ARL17B: variants seen among roughly 807,000 people sequenced by gnomAD.
ARL17B encodes the protein ADP-ribosylation factor-like protein 17.
intron 2 of ARL17B, among the ~76,000 whole-genome samples, chr17:46,357,191 A>G (rs1276622090): frequency 9.2e-6 from 1 of 108,214 alleles, no homozygotes; most frequent in African/African-American, 3.7e-5. Flanking sequence ...AAAAAAAAAG[A>G]AAGTTGATCA....
chr17:46,283,572 C>T (rs1310884092), intron 4 of ARL17B, among the ~76,000 whole-genome samples: 1 of 152,192 alleles, frequency 6.6e-6, no homozygotes, highest in Non-Finnish European at 1.5e-5. Flanking sequence ...GCTTCCTCTG[C>T]AATAATGGTA....
rs1187218049 is a variant in ARL17B at position 46,315,248 on chromosome 17, A to G, written c.260-15583T>C. Among the ~76,000 whole-genome samples the G allele has an allele frequency of 8.6e-5, 7 of 81,034 alleles. 3 individuals are homozygous for G. Among genetic ancestry groups the G allele is most frequent in the African/African-American group, 1.6e-4 (5 of 31,260 alleles). The allele number at this position is 81,034 out of a possible 152,430, so 53.2% of individuals were successfully genotyped here. A position where few individuals can be genotyped will look rare whatever the true frequency, so the allele number is the denominator to read the frequency against. ...ATAATTTGGTCTTCTGTATTTTTGC[A>G]GTGCAGTGGCTCATACCTGTCATCC... On this transcript the variant is annotated intron_variant, in intron 3 of 4. Coordinates refer to the ARL17B transcript ENST00000434041.
At chr17:46,281,223 G>A (rs1422214516) in intron 4 of ARL17B, among the ~76,000 whole-genome samples, 1 of 151,970 alleles carries the variant, frequency 6.6e-6, no homozygotes, top group Non-Finnish European at 1.5e-5. Context: ...CTGACCCCTT[G>A]CTCCCCCCAC....
At chr17:46,274,205 A>G (rs1295992435), downstream of ARL17B, among the ~76,000 whole-genome samples, 19 of 152,236 alleles carry the variant, frequency 1.2e-4, no homozygotes, top group African/African-American at 1.9e-4. Context: ...GAGAAAAACT[A>G]TCTCCATTTA....
intron 4 of ARL17B, among the ~76,000 whole-genome samples, chr17:46,279,631 G>A (rs374227336): frequency 2.4e-4 from 36 of 151,022 alleles, no homozygotes; most frequent in East Asian, 1.4e-3. Context: ...TGGAGTAGCT[G>A]GGATCATGGG....
At chr17:46,288,921 C>T (rs1256259370) in intron 4 of ARL17B, among the ~76,000 whole-genome samples, 1 of 152,030 alleles carries the variant, frequency 6.6e-6, no homozygotes, top group Admixed American at 6.6e-5. Flanking sequence ...GCCAGGCTAG[C>T]CTTGAACTCC....
chr17:46,311,568 A>C (rs2050799788), intron 3 of ARL17B, among the ~76,000 whole-genome samples: 1 of 85,788 alleles, frequency 1.2e-5, no homozygotes, highest in African/African-American at 3.4e-5. Flanking sequence ...AATAGAAAGG[A>C]AACATAGCTC....
chr17:46,359,011 A>AT (rs1199099761), intron 1 of ARL17B, among the ~76,000 whole-genome samples: 1 of 150,538 alleles, frequency 6.6e-6, no homozygotes, highest in Admixed American at 6.6e-5. Context: ...TAATTAATTA[A>AT]TTTTTTTTAA....
At chr17:46,340,718 T>C (rs2144204896) in intron 3 of ARL17B, among the ~76,000 whole-genome samples, 1 of 78,482 alleles carries the variant, frequency 1.3e-5, no homozygotes, top group East Asian at 2.4e-4. Flanking sequence ...AATTTTTTTT[T>C]TTTTTTCTAA....
chr17:46,290,869 G>A (rs2050048042), intron 4 of ARL17B, among the ~76,000 whole-genome samples: 1 of 152,242 alleles, frequency 6.6e-6, no homozygotes, highest in Non-Finnish European at 1.5e-5. Flanking sequence ...TCAAGGATTT[G>A]CCTAAAGGTA....
At position 46,323,283 on chromosome 17, in the gene ARL17B, CCT is replaced by C. The variant is rs1293830743; in HGVS notation, c.260-23620_260-23619del. On this transcript the variant is annotated intron_variant, in intron 3 of 4. Transcript: ENST00000434041. Reference sequence around the variant, plus strand: ...CAATCCCATCCTCCCACCATCAGCCCCTGTTAGCTACTAATCTGATTTCTGTT... The same window carrying C: ...CAATCCCATCCTCCCACCATCAGCCCGTTAGCTACTAATCTGATTTCTGTT... 6.2e-5 allele frequency among the ~76,000 whole-genome samples: 3 copies of C among 48,502 alleles called. 1 individual carries two copies. Among genetic ancestry groups the C allele is most frequent in the Non-Finnish European group, 1.5e-4 (3 of 20,262 alleles). The allele number at this position is 48,502 out of a possible 152,430, so 31.8% of individuals were successfully genotyped here.
At chr17:46,290,913 C>T (rs1166700734) in intron 4 of ARL17B, among the ~76,000 whole-genome samples, 1 of 152,228 alleles carries the variant, frequency 6.6e-6, no homozygotes, top group Non-Finnish European at 1.5e-5. Context: ...GTTTGCTGTG[C>T]CTCTTTTTCT....
At chr17:46,281,115 A>G (rs2049751520) in intron 4 of ARL17B, among the ~76,000 whole-genome samples, 1 of 151,816 alleles carries the variant, frequency 6.6e-6, no homozygotes, top group Non-Finnish European at 1.5e-5. Context: ...TGTTTTATCT[A>G]AAAGTTTCTT....
At chr17:46,279,184 C>CTTTTTTT (rs1189159774) in intron 4 of ARL17B, among the ~76,000 whole-genome samples, 1 of 136,994 alleles carries the variant, frequency 7.3e-6, no homozygotes. Context: ...TCTTTTTTTT[C>CTTTTTTT]TTTTTTTTTT....
chr17:46,321,357 GAAAAAAAAA>G (rs763727306), intron 3 of ARL17B, among the ~76,000 whole-genome samples: 3 of 31,354 alleles, frequency 9.6e-5, no homozygotes, highest in Non-Finnish European at 8.7e-5. Flanking sequence ...CTCCGTCTCA[GAAAAAAAAA>G]AAAAAAAAAA....
chr17:46,284,800 T>C (rs912872216), intron 4 of ARL17B, among the ~76,000 whole-genome samples: 2 of 152,266 alleles, frequency 1.3e-5, no homozygotes, highest in African/African-American at 4.8e-5. Flanking sequence ...ATTCCCTTTT[T>C]AGTTTCTTCA....
intron 2 of ARL17B, among the ~76,000 whole-genome samples, chr17:46,357,119 G>C (rs1896282589): frequency 1.2e-5 from 1 of 83,222 alleles, no homozygotes; most frequent in African/African-American, 5.2e-5. Flanking sequence ...GTTGTAGTGA[G>C]CCGAGATCGC....
intron 4 of ARL17B, among the ~76,000 whole-genome samples, chr17:46,288,593 C>A (rs2049981508): frequency 6.6e-6 from 1 of 150,954 alleles, no homozygotes. Context: ...CCACAGGGCC[C>A]AGCCTCTTTT....
rs199591277 is a variant in ARL17B at position 46,288,706 on chromosome 17, C to CT, written c.*21+10819dup. Among the ~76,000 whole-genome samples the CT allele has an allele frequency of 3.6e-3, 504 of 139,030 alleles. 3 individuals are homozygous for CT. Among genetic ancestry groups the CT allele is most frequent in the African/African-American group, 8.9e-3 (335 of 37,754 alleles). The allele number at this position is 139,030 out of a possible 152,430, so 91.2% of individuals were successfully genotyped here. A position where few individuals can be genotyped will look rare whatever the true frequency, so the allele number is the denominator to read the frequency against. On this transcript the variant is annotated intron_variant, in intron 4 of 4. Coordinates refer to the ARL17B transcript ENST00000570618. ...GCTTCTTTACTGCATCTTGTTTTTT[C>CT]TTTTTTTTTTTTTTTGAGACTGGGT...
Sources: gnomAD v4.1 joint callset for allele counts (sites outside exome capture counted in the v4.1 genomes callset) on GRCh38, gnomAD v4.1.1 for gene constraint, MANE v1.5 for transcripts, NCBI Gene and HGNC (gene_info 2026-07-23, HGNC 2026-07-21) for gene names.